Variants in CHN2 observed in about 807,000 individuals in gnomAD.
CHN2 encodes beta-chimaerin.
A neutral mutation model predicts 56.3 loss-of-function variants in CHN2; 35 were observed. That is an observed-to-expected ratio of 0.62 (90% CI 0.47 to 0.82). The LOEUF is 0.82. Ranked by LOEUF, CHN2 falls within the 40% of genes least tolerant of loss-of-function variation. The probability of loss-of-function intolerance (pLI) is 0.00; values close to 1 mark genes in which losing one functional copy is unlikely to be tolerated. For synonymous variants in CHN2, 210 were observed against 212.8 expected (o/e 0.99, Z 0.12); for missense variants, 491 against 580.5 (o/e 0.85, Z 1.58).
At chr7:29,282,517 A>C (rs1251213940) in intron 1 of CHN2, among the ~76,000 whole-genome samples, 1 of 152,216 alleles carries the variant, frequency 6.6e-6, no homozygotes, top group Non-Finnish European at 1.5e-5. Context: ...GTTCCTGAAA[A>C]TTGTTTTTGA....
intron 1 of CHN2, among the ~76,000 whole-genome samples, chr7:29,328,840 T>C (rs1324409991): frequency 6.6e-6 from 1 of 152,120 alleles, no homozygotes; most frequent in Non-Finnish European, 1.5e-5. Context: ...TTTTCGTAAT[T>C]GGAAGTTAAA....
intron 6 of CHN2, among the ~76,000 whole-genome samples, chr7:29,452,327 AG>A (rs1784462294): frequency 6.6e-6 from 1 of 152,126 alleles, no homozygotes; most frequent in Non-Finnish European, 1.5e-5. Context: ...GGGTGAAGGA[AG>A]GGAAGGGTCT....
At chr7:29,213,638 A>G (rs1785128204) in intron 1 of CHN2, among the ~76,000 whole-genome samples, 1 of 152,090 alleles carries the variant, frequency 6.6e-6, no homozygotes, top group African/African-American at 2.4e-5. Flanking sequence ...AAAACTATTG[A>G]GGTAAAGGGT....
intron 6 of CHN2, among the ~76,000 whole-genome samples, chr7:29,461,811 G>T (rs1323690662): frequency 6.8e-6 from 1 of 147,146 alleles, no homozygotes; most frequent in Non-Finnish European, 1.5e-5. Flanking sequence ...TAACTGGTTG[G>T]TTCATTGGAT....
intron 10 of CHN2, among the ~76,000 whole-genome samples, chr7:29,506,356 G>T (rs1406929396): frequency 6.6e-6 from 1 of 152,172 alleles, no homozygotes; most frequent in East Asian, 1.9e-4. Flanking sequence ...TGTCAAAATA[G>T]GCCAGGCGTG....
chr7:29,329,617 A>G (rs997412664), intron 1 of CHN2, among the ~76,000 whole-genome samples: 1 of 152,210 alleles, frequency 6.6e-6, no homozygotes, highest in Admixed American at 6.5e-5. Flanking sequence ...AAAGCCAGCT[A>G]TTCTCGAGTC....
chr7:29,363,273 G>T (rs1269785164), intron 2 of CHN2, among the ~76,000 whole-genome samples: 2 of 152,206 alleles, frequency 1.3e-5, no homozygotes, highest in Non-Finnish European at 2.9e-5. Context: ...ATCACTTGAG[G>T]TCAGGAGTTC....
At chr7:29,336,759 C>CAAAAAAAA (rs5883205) in intron 1 of CHN2, among the ~76,000 whole-genome samples, 29 of 68,578 alleles carry the variant, frequency 4.2e-4, no homozygotes, top group Middle Eastern at 0.012. Context: ...GATTCTGTCT[C>CAAAAAAAA]AAAAAAAAAA....
At chr7:29,232,074 G>C (rs998629079) in intron 1 of CHN2, among the ~76,000 whole-genome samples, 2 of 152,112 alleles carry the variant, frequency 1.3e-5, no homozygotes, top group South Asian at 4.1e-4. Context: ...GAAAGGGCAC[G>C]CTTTGACTAC....
At chr7:29,189,216 G>C (rs1490642759) in intron 2 of CHN2, among the ~76,000 whole-genome samples, 1 of 151,822 alleles carries the variant, frequency 6.6e-6, no homozygotes, top group African/African-American at 2.4e-5. Context: ...CCTCCCAAAG[G>C]GCTGGGATTA....
At chr7:29,358,388 C>G (rs1473585807) in intron 2 of CHN2, among the ~76,000 whole-genome samples, 1 of 151,824 alleles carries the variant, frequency 6.6e-6, no homozygotes, top group African/African-American at 2.4e-5. Flanking sequence ...ACAGCGAGAC[C>G]CTGTCTCTAA....
At chr7:29,450,751 A>G (rs1784346491) in intron 6 of CHN2, among the ~76,000 whole-genome samples, 1 of 152,000 alleles carries the variant, frequency 6.6e-6, no homozygotes, top group African/African-American at 2.4e-5. Context: ...TCATCAGATG[A>G]ATGGTAGGTA....
chr7:29,353,933 G>A (rs1390924202), intron 1 of CHN2, among the ~76,000 whole-genome samples: 1 of 152,226 alleles, frequency 6.6e-6, no homozygotes, highest in Non-Finnish European at 1.5e-5. Flanking sequence ...GCATTGGGAT[G>A]GTTGAGTCGA....
chr7:29,250,708 CTTCTTT>C (rs1562864874), intron 1 of CHN2, among the ~76,000 whole-genome samples: 2 of 145,514 alleles, frequency 1.4e-5, no homozygotes, highest in Non-Finnish European at 3.0e-5. Flanking sequence ...ACCTGAACTT[CTTCTTT>C]TTTTTTTTTT....
At chr7:29,295,578 T>TA (rs200153739) in intron 1 of CHN2, among the ~76,000 whole-genome samples, 2,950 of 144,030 alleles carry the variant, frequency 0.02, 97 homozygotes, top group African/African-American at 0.065. Flanking sequence ...CCCATCTATT[T>TA]AAAAAAAAAA....
At chr7:29,409,490 G>T (rs1802991632) in intron 6 of CHN2, among the ~76,000 whole-genome samples, 1 of 152,092 alleles carries the variant, frequency 6.6e-6, no homozygotes, top group African/African-American at 2.4e-5. Flanking sequence ...AATCTCTTTA[G>T]TGTCTGGCTT....
chr7:29,452,686 C>T (rs559920655), intron 6 of CHN2, among the ~76,000 whole-genome samples: 8 of 152,352 alleles, frequency 5.3e-5, no homozygotes, highest in Admixed American at 1.3e-4. Context: ...CTGCAAGACT[C>T]GCCATGGTTG....
chr7:29,238,015 C>CT (rs11405147), intron 1 of CHN2, among the ~76,000 whole-genome samples: 38,558 of 105,646 alleles, frequency 0.36, 8,066 homozygotes, highest in Middle Eastern at 0.45. Context: ...TATGTATTCT[C>CT]TTTTTTTTTT....
In CHN2 at chr7:29,246,185, C is replaced by T. The variant is rs553798928; in HGVS notation, c.49+51195C>T. 2.6e-5 allele frequency among the ~76,000 whole-genome samples: 4 copies of T among 152,232 alleles called. No individual in the cohort carries two copies. The East Asian group carries it at 7.8e-4, about 30-fold the overall frequency. On this transcript the variant is annotated intron_variant, in intron 1 of 12. Transcript: ENST00000222792. The stretch of plus-strand genomic sequence containing the variant: ...TTCTAAAAGAGGCTGTGGCAACACC[C>T]ATGATGACATCAACCTGTAGGATTT...
Sources: gnomAD v4.1 joint callset for allele counts (sites outside exome capture counted in the v4.1 genomes callset) on GRCh38, gnomAD v4.1.1 for gene constraint, MANE v1.5 for transcripts, NCBI Gene and HGNC (gene_info 2026-07-23, HGNC 2026-07-21) for gene names.